Variants in MINDY4 observed in about 807,000 individuals in gnomAD.
The protein encoded by MINDY4 is MINDY lysine 48 deubiquitinase 4.
A neutral mutation model predicts 87.0 loss-of-function variants in MINDY4; 68 were observed. That is an observed-to-expected ratio of 0.78 (90% CI 0.64 to 0.96). The LOEUF is 0.96. Ranked by LOEUF, MINDY4 falls within the 40% of genes least tolerant of loss-of-function variation. MINDY4 has a pLI of 0.00. For synonymous variants in MINDY4, 379 were observed against 363.2 expected (o/e 1.04, Z -0.50); for missense variants, 919 against 928.2 (o/e 0.99, Z 0.13).
At chr7:30,880,678 G>A (rs771724536) in intron 15 of MINDY4, among the ~76,000 whole-genome samples, 1 of 152,176 alleles carries the variant, frequency 6.6e-6, no homozygotes. Flanking sequence ...CCAAGTTTAC[G>A]TGGGGTTTAG....
At chr7:30,882,031 T>C in intron 15 of MINDY4, 150 bp from the exon 16 acceptor site, 1 of 797,784 alleles carries the variant, frequency 1.3e-6, no homozygotes, top group Non-Finnish European at 2.0e-6. Context: ...CCCAGTGGCC[T>C]GAGCAGCGTG....
At chr7:30,805,162 G>A (rs567842936) in intron 5 of MINDY4, among the ~76,000 whole-genome samples, 10 of 152,340 alleles carry the variant, frequency 6.6e-5, no homozygotes, top group South Asian at 2.1e-4. Context: ...GGCCCCTGCC[G>A]GGAAGGCAAG....
chr7:30,818,852 G>A lies in MINDY4; in HGVS notation c.1074-9827G>A, dbSNP rs1788239262. On this transcript the variant is annotated intron_variant, in intron 5 of 17. Transcript: ENST00000265299. ...TGGTCCCATCTGTCAGTTTTCAGAT[G>A]TATTGGTTTGAACTTATTCATACTA... Among the ~76,000 whole-genome samples the A allele has an allele frequency of 2.0e-5, 3 of 152,142 alleles. 1 individual carries two copies. The South Asian group carries it at 6.2e-4, about 32-fold the overall frequency.
chr7:30,807,109 A>C (rs1203984437), intron 5 of MINDY4, among the ~76,000 whole-genome samples: 1 of 152,264 alleles, frequency 6.6e-6, no homozygotes, highest in African/African-American at 2.4e-5. Context: ...AAAAAGTCCC[A>C]GATGGAAACC....
chr7:30,874,801 C>G (rs1330496509), intron 14 of MINDY4, among the ~76,000 whole-genome samples: 1 of 152,192 alleles, frequency 6.6e-6, no homozygotes, highest in Non-Finnish European at 1.5e-5. Flanking sequence ...GAAGTTCAAA[C>G]AAGGCCTGGA....
intron 13 of MINDY4, among the ~76,000 whole-genome samples, chr7:30,863,645 A>G (rs1056609788): frequency 7.9e-5 from 12 of 152,144 alleles, no homozygotes; most frequent in Admixed American, 7.2e-4. Flanking sequence ...GGGTGAGGAC[A>G]TCATGGACAG....
intron 7 of MINDY4, among the ~76,000 whole-genome samples, chr7:30,838,309 G>C (rs1369925497): frequency 1.3e-5 from 2 of 152,114 alleles, no homozygotes; most frequent in Non-Finnish European, 2.9e-5. Context: ...CCGTGAGAAA[G>C]TAGAGGGGCT....
intron 13 of MINDY4, among the ~76,000 whole-genome samples, chr7:30,864,894 G>A (rs1375904310): frequency 6.6e-6 from 1 of 152,250 alleles, no homozygotes; most frequent in Non-Finnish European, 1.5e-5. Context: ...TGTGGGCAGT[G>A]CTCACCCCGT....
chr7:30,796,467 C>T (rs890306203), intron 5 of MINDY4, among the ~76,000 whole-genome samples: 6 of 152,090 alleles, frequency 3.9e-5, no homozygotes. Flanking sequence ...TGATATAGTC[C>T]ATGCAATTGA....
At chr7:30,891,711 C>G (rs576127685) in intron 17 of MINDY4, among the ~76,000 whole-genome samples, 6 of 152,306 alleles carry the variant, frequency 3.9e-5, no homozygotes, top group African/African-American at 1.4e-4. Flanking sequence ...GGTTGTGGCA[C>G]AAAAGAATGC....
chr7:30,888,370 T>C (rs533814528), intron 17 of MINDY4, among the ~76,000 whole-genome samples: 1 of 152,268 alleles, frequency 6.6e-6, no homozygotes. Context: ...CATTTCATAA[T>C]GCACACCACG....
Position 30,785,955 on chromosome 7 carries a change from G to C in MINDY4, c.626G>C (p.Arg209Pro). 6.2e-7 allele frequency: 1 copy of C among 1,614,206 alleles called. No homozygotes were observed. The highest frequency in any genetic ancestry group is 8.5e-7 in the Non-Finnish European group (1 of 1,180,036). The change falls in exon 4 of 18, where the codon CGA (arginine) becomes CCA (proline). Residue 209 changes from arginine (R) to proline (P), a missense_variant. By Grantham distance (103) the Arg-to-Pro change is moderately radical. Transcript: ENST00000265299. Reference sequence around the variant, plus strand: ...AGGCCAAAGTCTGGTCTGATTGTGCGAGGCATGATGTCTGGGCCCATCGCC... The same window carrying C: ...AGGCCAAAGTCTGGTCTGATTGTGCCAGGCATGATGTCTGGGCCCATCGCC... ...NSRPKSGLIVRGMMSGPIASS... is the reference protein window; with the variant it reads ...NSRPKSGLIVPGMMSGPIASS...
intron 9 of MINDY4, among the ~76,000 whole-genome samples, chr7:30,849,589 C>T (rs748669166): frequency 2.7e-4 from 41 of 152,178 alleles, no homozygotes; most frequent in Non-Finnish European, 5.0e-4. Flanking sequence ...ACGACTGTGT[C>T]GTGGCACTCT....
chr7:30,866,057 G>A (rs1454421017), intron 13 of MINDY4, among the ~76,000 whole-genome samples: 3 of 152,336 alleles, frequency 2.0e-5, no homozygotes, highest in South Asian at 4.1e-4. Context: ...CTGCTGAGAT[G>A]GCAAGTCACA....
In MINDY4 at chr7:30,778,495, A is replaced by G. The variant is rs758674640; in HGVS notation, c.127A>G (p.Asn43Asp). Reference protein sequence around the residue: ...ERPRSDLSINNRNDLRKVLHL... With the variant: ...ERPRSDLSINDRNDLRKVLHL... The stretch of plus-strand genomic sequence containing the variant: ...CCCACGCTCTGACCTCAGCATAAAC[A>G]ACAGAAATGATCTTCGAAAGGTTTT... Residue 43 changes from asparagine to aspartate, a missense_variant, in exon 2 of 18, where the codon AAC becomes GAC. Coordinates refer to ENST00000265299, the MANE Select transcript of MINDY4 (RefSeq NM_032222.3). 6.2e-7 allele frequency: 1 copy of G among 1,614,232 alleles called. No homozygotes were observed. The highest frequency in any genetic ancestry group is 1.3e-5 in the African/African-American group (1 of 75,054).
In MINDY4 at chr7:30,771,658, C is replaced by T; in HGVS notation, c.63+102C>T. 4.4e-6 allele frequency: 5 copies of T among 1,129,602 alleles called. No individual in the cohort carries two copies. In the South Asian group the frequency reaches 6.0e-5, roughly 14 times the overall value. 70.0% of individuals were successfully genotyped at this position (1,129,602 alleles called of 1,614,324 possible). A position where few individuals can be genotyped will look rare whatever the true frequency, so the allele number is the denominator to read the frequency against. ...TGCAGCTTCTGGGAGGGCGCCCGTT[C>T]CCTACCTACTGCCTGCTCCAGAGAT... On this transcript the variant is annotated intron_variant, in intron 1 of 17. Transcript: ENST00000265299.
At chr7:30,879,072 G>GT (rs1790377138) in intron 15 of MINDY4, among the ~76,000 whole-genome samples, 1 of 152,180 alleles carries the variant, frequency 6.6e-6, no homozygotes, top group South Asian at 2.1e-4. Context: ...ACCCTCAGTG[G>GT]TTTTCCAGTC....
At chr7:30,864,095 T>C (rs542641039) in intron 13 of MINDY4, among the ~76,000 whole-genome samples, 176 of 152,342 alleles carry the variant, frequency 1.2e-3, no homozygotes, top group African/African-American at 4.0e-3. Context: ...ATGCAGTAGA[T>C]TCTTGGCCTT....
intron 6 of MINDY4, among the ~76,000 whole-genome samples, chr7:30,832,433 T>G (rs1788733509): frequency 6.6e-6 from 1 of 152,224 alleles, no homozygotes; most frequent in African/African-American, 2.4e-5. Context: ...CACACATCTC[T>G]TTTCCTCCAG....
Sources: gnomAD v4.1 joint callset for allele counts (sites outside exome capture counted in the v4.1 genomes callset) on GRCh38, gnomAD v4.1.1 for gene constraint, MANE v1.5 for transcripts, NCBI Gene and HGNC (gene_info 2026-07-23, HGNC 2026-07-21) for gene names.